The following KIF26B variants were observed in gnomAD, a reference collection of about 807,000 sequenced individuals.
KIF26B encodes kinesin-like protein KIF26B.
In KIF26B, 63 loss-of-function variants were observed where a neutral mutation model predicts 151.2. The observed-to-expected ratio is 0.42, with a 90% CI of 0.34 to 0.51. The LOEUF is 0.51. KIF26B is among the 20% of genes least tolerant of loss of function. The pLI is 0.07. For synonymous variants in KIF26B, 1,357 were observed against 1,262.1 expected, an observed-to-expected ratio of 1.08 and a Z score of -1.59; for missense variants, 2,813 against 2,913.6, an observed-to-expected ratio of 0.97 and a Z score of 0.79.
At chr1:245,483,938 C>T (rs1660222823) in intron 4 of KIF26B, among the ~76,000 whole-genome samples, 1 of 151,880 alleles carries the variant, frequency 6.6e-6, no homozygotes, top group African/African-American at 2.4e-5. Flanking sequence ...TTTCCTCATT[C>T]CACCTTTATG....
intron 4 of KIF26B, among the ~76,000 whole-genome samples, chr1:245,464,981 C>CTT (rs34890904): frequency 7.3e-6 from 1 of 136,492 alleles, no homozygotes; most frequent in Non-Finnish European, 1.6e-5. Context: ...TACCTCATGC[C>CTT]TTTTTTTTTT....
At chr1:245,647,583 G>A (rs532091694) in intron 10 of KIF26B, among the ~76,000 whole-genome samples, 1 of 152,200 alleles carries the variant, frequency 6.6e-6, no homozygotes, top group South Asian at 2.1e-4. Flanking sequence ...GTTGCCATGA[G>A]GTGAAGATTA....
At chr1:245,240,185 C>G (rs368541258) in intron 2 of KIF26B, among the ~76,000 whole-genome samples, 1 of 152,156 alleles carries the variant, frequency 6.6e-6, no homozygotes, top group East Asian at 1.9e-4. Flanking sequence ...AGTCATTTCC[C>G]GTGAAAACCA....
At chr1:245,287,521 G>C (rs1445434295) in intron 2 of KIF26B, among the ~76,000 whole-genome samples, 1 of 90,834 alleles carries the variant, frequency 1.1e-5, no homozygotes, top group Non-Finnish European at 2.1e-5. Context: ...TTTTTTTCCT[G>C]TGGCGGAGTT....
At position 245,685,312 on chromosome 1, in the gene KIF26B, C is replaced by T. The variant is rs60851307; in HGVS notation, c.2422-93C>T. The T allele has an allele frequency of 2.0e-5, 22 of 1,081,668 alleles. No homozygotes were observed. The East Asian group carries it at 3.1e-4, about 15-fold the overall frequency. 67.0% of individuals were successfully genotyped at this position (1,081,668 alleles called of 1,614,324 possible). On this transcript the variant is annotated intron_variant, in intron 11 of 14. Coordinates refer to ENST00000407071, the MANE Select transcript of KIF26B (RefSeq NM_018012.4). ...GGGGGTGGCTGTCAGTAGCCTGTGT[C>T]GTCAGGGGCCTTCACCACTTGCCGC...
At chr1:245,379,520 ACACAG>A (rs1673354418) in intron 3 of KIF26B, among the ~76,000 whole-genome samples, 1 of 152,022 alleles carries the variant, frequency 6.6e-6, no homozygotes, top group South Asian at 2.1e-4. Context: ...ACTCTTTGAA[ACACAG>A]GACTCAGCCC....
At chr1:245,476,303 T>G (rs942760560) in intron 4 of KIF26B, among the ~76,000 whole-genome samples, 23 of 151,902 alleles carry the variant, frequency 1.5e-4, no homozygotes, top group African/African-American at 4.8e-4. Flanking sequence ...GAGGAAGATA[T>G]TCCGTGTTCC....
intron 5 of KIF26B, among the ~76,000 whole-genome samples, chr1:245,552,897 G>C (rs989026830): frequency 6.6e-6 from 1 of 152,170 alleles, no homozygotes; most frequent in African/African-American, 2.4e-5. Context: ...ACCGCACACA[G>C]CCTCCCTGGA....
At position 245,325,094 on chromosome 1, in the gene KIF26B, C is replaced by CA. The variant is rs57433161; in HGVS notation, c.466-41723dup. On this transcript the variant is annotated intron_variant, in intron 2 of 14. Coordinates refer to ENST00000407071, the MANE Select transcript of KIF26B (RefSeq NM_018012.4). ...TGGACGACAAAGCCAGACCTTGTCT[C>CA]AAAAAAAAAAAAAAAAAGAAAAAAA... is the stretch of plus-strand genomic sequence containing the variant. Among the ~76,000 whole-genome samples, 461 of 96,414 alleles carry CA rather than the reference C, an allele frequency of 4.8e-3. 2 individuals are homozygous for CA. Among genetic ancestry groups the CA allele is most frequent in the East Asian group, 0.034 (120 of 3,550 alleles). The allele number at this position is 96,414 out of a possible 152,430, so 63.3% of individuals were successfully genotyped here. A position where few individuals can be genotyped will look rare whatever the true frequency, so the allele number is the denominator to read the frequency against.
chr1:245,564,172 A>G lies in KIF26B; in HGVS notation c.1350+23222A>G, dbSNP rs10924243. On this transcript the variant is annotated intron_variant, in intron 5 of 14. Coordinates refer to ENST00000407071, the MANE Select transcript of KIF26B (RefSeq NM_018012.4). The surrounding 1 kb of genome is among the most constrained non-coding windows in gnomAD (Gnocchi z 4.6). ...ACACTGAAGCCTCAATGTCCCCTAA[A>G]CATTCCAGACCCTCTTGTGACTCTG... Among the ~76,000 whole-genome samples the G allele has an allele frequency of 0.65, 98,836 of 151,798 alleles. 34,005 individuals carry two copies. The highest frequency in any genetic ancestry group is 0.86 in the East Asian group (4,401 of 5,136).
At chr1:245,214,225 AAAAG>A (rs1254725298) in intron 2 of KIF26B, 1 of 151,854 alleles carries the variant, frequency 6.6e-6, no homozygotes, top group Non-Finnish European at 1.5e-5. Context: ...AGTAAAAAAA[AAAAG>A]AGTCAGGCTT....
At chr1:245,672,588 T>C (rs1164798544) in intron 10 of KIF26B, among the ~76,000 whole-genome samples, 3 of 152,168 alleles carry the variant, frequency 2.0e-5, no homozygotes, top group African/African-American at 4.8e-5. Flanking sequence ...TGTCTGCCTT[T>C]TGTGTGCACA....
intron 2 of KIF26B, among the ~76,000 whole-genome samples, chr1:245,267,560 G>A (rs1670768036): frequency 1.3e-5 from 2 of 151,698 alleles, no homozygotes; most frequent in Admixed American, 6.6e-5. Context: ...GCAGGCATAT[G>A]TGATAGCTCT....
intron 9 of KIF26B, among the ~76,000 whole-genome samples, chr1:245,620,578 T>G (rs190604430): frequency 2.1e-3 from 312 of 152,192 alleles, no homozygotes; most frequent in African/African-American, 7.1e-3. Flanking sequence ...AGTTTATATT[T>G]TTTTGTAGAG....
At chr1:245,221,698 G>A (rs1428749476) in intron 2 of KIF26B, among the ~76,000 whole-genome samples, 4 of 152,316 alleles carry the variant, frequency 2.6e-5, no homozygotes, top group African/African-American at 4.8e-5. Context: ...TGGGCACACC[G>A]TGCCTGGCCT....
chr1:245,556,272 CTCT>C (rs67518239), intron 5 of KIF26B, among the ~76,000 whole-genome samples: 3,520 of 71,490 alleles, frequency 0.049, 242 homozygotes, highest in Middle Eastern at 0.13. Flanking sequence ...CCTCCTCCTC[CTCT>C]TCTTCTTCTT....
At position 245,156,419 on chromosome 1, in the gene KIF26B, G is replaced by GACCCCGTCTCCCGGCTCGGGC; in HGVS notation, c.205_225dup (p.Pro69_Thr75dup). On this transcript the variant is annotated inframe_insertion, in exon 2 of 15. Coordinates refer to ENST00000407071, the MANE Select transcript of KIF26B (RefSeq NM_018012.4). The stretch of plus-strand genomic sequence containing the variant: ...CGGGCTCAGCGCTCGGCTCCTCGGG[G>GACCCCGTCTCCCGGCTCGGGC]ACCCCGTCTCCCGGCTCGGGCACCT... 1 of 1,531,340 alleles carries GACCCCGTCTCCCGGCTCGGGC rather than the reference G, an allele frequency of 6.5e-7. No homozygotes were observed. The highest frequency in any genetic ancestry group is 2.0e-5 in the Admixed American group (1 of 49,164). The allele number at this position is 1,531,340 out of a possible 1,614,324, so 94.9% of individuals were successfully genotyped here. A position where few individuals can be genotyped will look rare whatever the true frequency, so the allele number is the denominator to read the frequency against.
rs75071934 is a variant in KIF26B, at chr1:245,705,926, C to A, written c.*3320C>A. 2 of 152,238 alleles carry A rather than the reference C, an allele frequency of 1.3e-5. No homozygotes were observed. The highest frequency in any genetic ancestry group is 4.8e-5 in the African/African-American group (2 of 41,458). 9.4% of individuals were successfully genotyped at this position (152,238 alleles called of 1,614,324 possible). On this transcript the variant is annotated 3_prime_UTR_variant, in exon 15 of 15. Transcript: ENST00000407071. ...CCGGATTTGGAATCAGAACACTCTGCCCGTTGTTTATTCGCCAGTTGCCAT... is the reference window on the plus strand; with the variant it reads ...CCGGATTTGGAATCAGAACACTCTGACCGTTGTTTATTCGCCAGTTGCCAT...
intron 9 of KIF26B, among the ~76,000 whole-genome samples, chr1:245,621,114 T>C (rs2043654066): frequency 1.3e-5 from 2 of 152,114 alleles, no homozygotes; most frequent in Non-Finnish European, 2.9e-5. Context: ...CCCAATTAAA[T>C]TAGAAAGGCT....
Sources: gnomAD v4.1 joint callset for allele counts (sites outside exome capture counted in the v4.1 genomes callset) on GRCh38, gnomAD v4.1.1 for gene constraint, Gnocchi (gnomAD v3.1) non-coding constraint, MANE v1.5 for transcripts, NCBI Gene and HGNC (gene_info 2026-07-23, HGNC 2026-07-21) for gene names.